The following INPP4B variants were observed in gnomAD, a reference collection of about 807,000 sequenced individuals.
INPP4B encodes inositol polyphosphate 4-phosphatase type II.
INPP4B carries 55 observed loss-of-function variants against 122.5 expected under a neutral mutation model. That is an observed-to-expected ratio of 0.45 (90% CI 0.36 to 0.56). The LOEUF is 0.56. Ranked by LOEUF, INPP4B falls within the 20% of genes least tolerant of loss-of-function variation. INPP4B has a pLI of 0.00. For missense variants in INPP4B, 1,000 were observed against 1,097.7 expected, an observed-to-expected ratio of 0.91 and a Z score of 1.26; for synonymous variants, 403 against 388.7, an observed-to-expected ratio of 1.04 and a Z score of -0.43.
chr4:142,484,177 CAACAATATAA>C (rs1023637087), intron 2 of INPP4B, among the ~76,000 whole-genome samples: 1 of 151,826 alleles, frequency 6.6e-6, no homozygotes, highest in Non-Finnish European at 1.5e-5. Flanking sequence ...TGTAGAAGAA[CAACAATATAA>C]AAATGAGCAA....
intron 8 of INPP4B, among the ~76,000 whole-genome samples, chr4:142,309,552 T>C (rs1476997064): frequency 6.6e-6 from 1 of 151,676 alleles, no homozygotes; most frequent in Non-Finnish European, 1.5e-5. Flanking sequence ...GGCTTACACA[T>C]GTCACAGAAC....
intron 7 of INPP4B, among the ~76,000 whole-genome samples, chr4:142,401,844 A>G (rs983677059): frequency 6.6e-6 from 1 of 152,208 alleles, no homozygotes; most frequent in Non-Finnish European, 1.5e-5. Flanking sequence ...CCATGTACAT[A>G]TGCTGTGCAT....
chr4:142,373,968 A>G (rs1790880467), intron 7 of INPP4B, among the ~76,000 whole-genome samples: 1 of 151,804 alleles, frequency 6.6e-6, no homozygotes, highest in African/African-American at 2.4e-5. Context: ...TATGACAGGC[A>G]CTCTACCAGA....
intron 11 of INPP4B, among the ~76,000 whole-genome samples, chr4:142,252,985 C>T (rs148742138): frequency 9.2e-5 from 14 of 152,322 alleles, no homozygotes; most frequent in South Asian, 2.1e-4. Context: ...TACACACCTA[C>T]GCTCCAGGGT....
At chr4:142,690,745 C>A (rs894435532) in intron 2 of INPP4B, among the ~76,000 whole-genome samples, 4 of 152,108 alleles carry the variant, frequency 2.6e-5, no homozygotes, top group Non-Finnish European at 4.4e-5. Context: ...AAATGACTCC[C>A]AATACCCACT....
intron 12 of INPP4B, among the ~76,000 whole-genome samples, chr4:142,233,675 A>C (rs932154247): frequency 2.6e-5 from 4 of 152,104 alleles, no homozygotes; most frequent in African/African-American, 9.7e-5. Context: ...CTGAGAAAAA[A>C]CTTCAGAGTA....
intron 7 of INPP4B, among the ~76,000 whole-genome samples, chr4:142,327,917 G>T (rs1773032608): frequency 6.6e-6 from 1 of 152,186 alleles, no homozygotes; most frequent in African/African-American, 2.4e-5. Context: ...CAAAACCAAT[G>T]CATTTAACCC....
At chr4:142,461,915 C>T (rs1482466836) in intron 3 of INPP4B, among the ~76,000 whole-genome samples, 3 of 152,020 alleles carry the variant, frequency 2.0e-5, no homozygotes, top group Non-Finnish European at 4.4e-5. Context: ...CACAGAAATG[C>T]AAGCAGAGCA....
chr4:142,218,277 T>C (rs988413481), intron 12 of INPP4B, among the ~76,000 whole-genome samples: 3 of 152,162 alleles, frequency 2.0e-5, no homozygotes, highest in African/African-American at 4.8e-5. Flanking sequence ...TCCTGACTTG[T>C]TCAAAAGAAA....
chr4:142,402,840 C>T, intron 7 of INPP4B, 98 bp downstream of exon 7: 1 of 757,166 alleles, frequency 1.3e-6, no homozygotes, highest in Non-Finnish European at 2.4e-6. Flanking sequence ...GAACACGGTG[C>T]AAATATCCTC....
intron 1 of INPP4B, among the ~76,000 whole-genome samples, chr4:142,801,483 A>G (rs1778003299): frequency 6.6e-6 from 1 of 152,220 alleles, no homozygotes; most frequent in African/African-American, 2.4e-5. Context: ...GTATGAGGAC[A>G]CAGCGAGTGG....
intron 21 of INPP4B, among the ~76,000 whole-genome samples, chr4:142,117,941 A>G (rs1049381224): frequency 1.3e-5 from 2 of 152,226 alleles, no homozygotes; most frequent in Admixed American, 1.3e-4. Flanking sequence ...CAACTTCAGC[A>G]AAGTCTCAGG....
rs200657873 is a variant in INPP4B, at chr4:142,215,892, CAAAAAAAAAAAAAAAAAAAAAAAA to C, written c.837-6890_837-6867del. On this transcript the variant is annotated intron_variant, in intron 12 of 25. Transcript: ENST00000262992. The stretch of plus-strand genomic sequence containing the variant: ...TGGGCAACAGACCAAGACTCTGTCT[CAAAAAAAAAAAAAAAAAAAAAAAA>C]AAAAAAAAAAAAAAAAAGAAGGAAT... Among the ~76,000 whole-genome samples the C allele has an allele frequency of 1.5e-3, 84 of 54,576 alleles. 1 individual carries two copies. The highest frequency in any genetic ancestry group is 2.9e-3 in the East Asian group (3 of 1,028). 35.8% of individuals were successfully genotyped at this position (54,576 alleles called of 152,430 possible). A position where few individuals can be genotyped will look rare whatever the true frequency, so the allele number is the denominator to read the frequency against.
In INPP4B at chr4:142,208,461, G is replaced by A; in HGVS notation, c.1036C>T (p.Leu346=). Residue 346 remains leucine, a synonymous_variant, in exon 14 of 26, where the codon CTG becomes TTG. Coordinates refer to ENST00000262992, the MANE Select transcript of INPP4B (RefSeq NM_001101669.3). ...TLEFVPINLH[L]QRMQVHSPHL... ...GGGCTGTGTACCTGCATTCTTTGCA[G>A]ATGTAGATTTATTGGAACAAATTCT... 1 of 1,600,186 alleles carries A rather than the reference G, an allele frequency of 6.2e-7. No individual in the cohort carries two copies. The highest frequency in any genetic ancestry group is 1.1e-5 in the South Asian group (1 of 89,318).
chr4:142,155,964 T>A (rs1432807014), intron 17 of INPP4B, among the ~76,000 whole-genome samples: 1 of 147,884 alleles, frequency 6.8e-6, no homozygotes, highest in Non-Finnish European at 1.5e-5. Context: ...ATCCATTGTG[T>A]TTATGTAACA....
chr4:142,590,665 A>AT (rs1270927849), intron 2 of INPP4B, among the ~76,000 whole-genome samples: 1 of 151,974 alleles, frequency 6.6e-6, no homozygotes, highest in Non-Finnish European at 1.5e-5. Flanking sequence ...GGTATAAACT[A>AT]ATATTTAGCT....
chr4:142,486,422 T>G lies in INPP4B; in HGVS notation c.-190-23696A>C, dbSNP rs147380298. 1.0e-3 allele frequency among the ~76,000 whole-genome samples: 153 copies of G among 152,308 alleles called. 1 individual carries two copies. The highest frequency in any genetic ancestry group is 3.4e-3 in the African/African-American group (143 of 41,590). On this transcript the variant is annotated intron_variant, in intron 2 of 25. Transcript: ENST00000262992. Reference sequence around the variant, plus strand: ...TATCACCCATTTGTTACATCTTTATTTGAGAACTATTCAAATCTTTTTTTA... The same window carrying G: ...TATCACCCATTTGTTACATCTTTATGTGAGAACTATTCAAATCTTTTTTTA...
Position 142,314,741 on chromosome 4 carries a change from C to T in INPP4B, c.394G>A (p.Glu132Lys), listed in dbSNP as rs1766840057. 1 of 1,598,896 alleles carries T rather than the reference C, an allele frequency of 6.3e-7. No individual in the cohort carries two copies. The highest frequency in any genetic ancestry group is 8.5e-7 in the Non-Finnish European group (1 of 1,174,218). The change falls in exon 8 of 26, where the codon GAA becomes AAA. Residue 132 changes from glutamate (E) to lysine (K), a missense_variant. Transcript: ENST00000262992. ...HDTVRTSVLP[E>K]HKDPPPEVGR... ...ACTTCTGGCGGGGGATCCTTATGTT[C>T]TGGTAGGACACTGGTTCGAACCTGT...
At chr4:142,703,371 A>T (rs1291091010) in intron 2 of INPP4B, among the ~76,000 whole-genome samples, 2 of 152,222 alleles carry the variant, frequency 1.3e-5, no homozygotes, top group Non-Finnish European at 2.9e-5. Flanking sequence ...AGCAAGTTAG[A>T]TTCAATGGTT....
Sources: allele counts gnomAD v4.1 joint callset (sites outside exome capture counted in the v4.1 genomes callset), GRCh38; gene constraint gnomAD v4.1.1; transcripts MANE v1.5; gene names NCBI Gene and HGNC (gene_info 2026-07-23, HGNC 2026-07-21).